NEO1: variants seen among roughly 807,000 people sequenced by gnomAD.
NEO1 encodes neogenin 1.
In NEO1, 63 loss-of-function variants were observed where a neutral mutation model predicts 159.7. The ratio of observed to expected loss-of-function variants is 0.39; its 90% CI spans 0.32 to 0.49. The LOEUF is 0.49. Among genes scored for constraint, NEO1 ranks in the 20% least tolerant of loss-of-function variants. The pLI is 0.85. For synonymous variants in NEO1, 633 were observed against 662.0 expected, an observed-to-expected ratio of 0.96 and a Z score of 0.67; for missense variants, 1,615 against 1,831.0, an observed-to-expected ratio of 0.88 and a Z score of 2.15.
intron 5 of NEO1, among the ~76,000 whole-genome samples, chr15:73,138,011 T>A (rs1567288281): frequency 6.6e-6 from 1 of 152,138 alleles, no homozygotes; most frequent in Non-Finnish European, 1.5e-5. Context: ...TTAAGATAAA[T>A]TTTTCAGAAT....
chr15:73,100,438 G>A (rs1281957373), intron 1 of NEO1, among the ~76,000 whole-genome samples: 2 of 151,648 alleles, frequency 1.3e-5, no homozygotes, highest in African/African-American at 2.4e-5. Context: ...AGGTTCAAGC[G>A]ATTCTCCTGC....
chr15:73,146,203 C>A (rs1300257952), intron 5 of NEO1, among the ~76,000 whole-genome samples: 1 of 152,046 alleles, frequency 6.6e-6, no homozygotes, highest in African/African-American at 2.4e-5. Context: ...TTTTTGTATC[C>A]AGTTTCTACC....
chr15:73,244,961 A>AAAAAAAAAAAAAAC, intron 9 of NEO1, among the ~76,000 whole-genome samples: 1 of 139,714 alleles, frequency 7.2e-6, no homozygotes, highest in African/African-American at 2.7e-5. Context: ...TCTCAAAAAA[A>AAAAAAAAAAAAAAC]AAAAAAAAAA....
At chr15:73,164,241 G>A (rs1363858770) in intron 5 of NEO1, among the ~76,000 whole-genome samples, 1 of 133,220 alleles carries the variant, frequency 7.5e-6, no homozygotes, top group Non-Finnish European at 1.6e-5. Flanking sequence ...ACGAAGTCTT[G>A]TTGTGTCACC....
At chr15:73,184,869 A>G (rs1306331347) in intron 7 of NEO1, among the ~76,000 whole-genome samples, 1 of 152,212 alleles carries the variant, frequency 6.6e-6, no homozygotes, top group Non-Finnish European at 1.5e-5. Flanking sequence ...CGAAGGTTGC[A>G]GTGAGCCAAG....
chr15:73,067,056 C>T (rs532569155), intron 1 of NEO1, among the ~76,000 whole-genome samples: 2 of 152,302 alleles, frequency 1.3e-5, no homozygotes, highest in South Asian at 2.1e-4. Flanking sequence ...CTCTCAATGC[C>T]TCTTTCATCA....
intron 8 of NEO1, among the ~76,000 whole-genome samples, chr15:73,237,656 A>G (rs1420690656): frequency 6.6e-6 from 1 of 152,210 alleles, no homozygotes; most frequent in Non-Finnish European, 1.5e-5. Context: ...TTTAACACCA[A>G]CAGATGGGAG....
chr15:73,053,933 CTT>C (rs991519505), intron 1 of NEO1, among the ~76,000 whole-genome samples: 1 of 152,202 alleles, frequency 6.6e-6, no homozygotes, highest in African/African-American at 2.4e-5. Flanking sequence ...GACTGATAAA[CTT>C]TTCATTTCCT....
chr15:73,102,237 A>AT (rs2070441571), intron 1 of NEO1, among the ~76,000 whole-genome samples: 1 of 152,124 alleles, frequency 6.6e-6, no homozygotes, highest in Non-Finnish European at 1.5e-5. Flanking sequence ...GTGGTGGCAC[A>AT]TGCCTGTAGT....
In NEO1 at chr15:73,278,219, G is replaced by T; in HGVS notation, c.3262+20G>T. On this transcript the variant is annotated intron_variant, in intron 22 of 28. Transcript: ENST00000261908. ...TGAGCGGTAAAGCCTTTCCCATGGC[G>T]TTTTTTGCTTACTATGGACATGAAG... 6.2e-7 allele frequency: 1 copy of T among 1,605,890 alleles called. No individual in the cohort carries two copies. The highest frequency in any genetic ancestry group is 8.5e-7 in the Non-Finnish European group (1 of 1,174,472).
chr15:73,127,210 G>A (rs1157622813), intron 4 of NEO1, among the ~76,000 whole-genome samples: 2 of 147,998 alleles, frequency 1.4e-5, no homozygotes, highest in Non-Finnish European at 1.5e-5. Flanking sequence ...TAGCCTGGGC[G>A]AGAGACCTAG....
chr15:73,082,705 C>A (rs968261556), intron 1 of NEO1, among the ~76,000 whole-genome samples: 7 of 151,902 alleles, frequency 4.6e-5, no homozygotes, highest in Non-Finnish European at 8.8e-5. Context: ...TAATACATAT[C>A]AGTATTTTAT....
chr15:73,266,241 A>T, intron 15 of NEO1, 75 bp from the exon 16 acceptor site: 2 of 1,144,292 alleles, frequency 1.7e-6, no homozygotes, highest in Middle Eastern at 2.1e-4. Context: ...TGTGGTTAAG[A>T]TTATGCACAG....
intron 4 of NEO1, among the ~76,000 whole-genome samples, chr15:73,134,612 G>A (rs1220291611): frequency 1.3e-5 from 2 of 151,052 alleles, no homozygotes; most frequent in Non-Finnish European, 2.9e-5. Flanking sequence ...GTGCAATGGC[G>A]TGATCTTGGC....
intron 25 of NEO1, 63 bp from the exon 26 acceptor site, chr15:73,293,327 C>T (rs2042228413): frequency 6.9e-6 from 11 of 1,593,258 alleles, no homozygotes; most frequent in Non-Finnish European, 9.4e-6. Context: ...TGCTCTTAAA[C>T]TGTGATTTGT....
At chr15:73,125,862 C>T (rs1277514186) in intron 3 of NEO1, among the ~76,000 whole-genome samples, 2 of 148,770 alleles carry the variant, frequency 1.3e-5, no homozygotes, top group African/African-American at 4.9e-5. Context: ...AAATAACACA[C>T]AGATACAGGG....
Position 73,304,115 on chromosome 15 carries a change from C to T in NEO1, c.*1419C>T, listed in dbSNP as rs935022593. On this transcript the variant is annotated 3_prime_UTR_variant, in exon 29 of 29. Coordinates refer to ENST00000261908, the MANE Select transcript of NEO1 (RefSeq NM_002499.4). The stretch of plus-strand genomic sequence containing the variant: ...AGGGACAGCGGAAACAGCTGCCCAC[C>T]CCCCCCATCCCAGCAGCTCAGCTAA... 2 of 151,830 alleles carry T rather than the reference C, an allele frequency of 1.3e-5. No individual in the cohort carries two copies. The highest frequency in any genetic ancestry group is 4.8e-5 in the African/African-American group (2 of 41,350). 9.4% of individuals were successfully genotyped at this position (151,830 alleles called of 1,614,324 possible). A position where few individuals can be genotyped will look rare whatever the true frequency, so the allele number is the denominator to read the frequency against.
intron 22 of NEO1, among the ~76,000 whole-genome samples, chr15:73,281,264 T>TC (rs1419898470): frequency 6.8e-5 from 10 of 145,996 alleles, no homozygotes; most frequent in African/African-American, 2.3e-4. Context: ...TCAGGAGATT[T>TC]TTTCCCCCCT....
intron 5 of NEO1, among the ~76,000 whole-genome samples, chr15:73,147,540 C>CA (rs928011538): frequency 2.8e-4 from 42 of 152,074 alleles, no homozygotes; most frequent in African/African-American, 9.7e-4. Flanking sequence ...GACAACATGA[C>CA]AAAATACTAG....
Sources: allele counts gnomAD v4.1 joint callset (sites outside exome capture counted in the v4.1 genomes callset), GRCh38; gene constraint gnomAD v4.1.1; transcripts MANE v1.5; gene names NCBI Gene and HGNC (gene_info 2026-07-23, HGNC 2026-07-21).